TECTB: variants seen among roughly 807,000 people sequenced by gnomAD.
TECTB encodes tectorin beta.
In TECTB, 45 loss-of-function variants were observed where a neutral mutation model predicts 43.3. The observed-to-expected ratio is 1.04, with a 90% confidence interval of 0.82 to 1.33. The LOEUF is 1.33. TECTB is among the 40% of genes most tolerant of loss of function. The pLI, the probability that TECTB is intolerant of heterozygous loss-of-function variation, is 0.00. For synonymous variants in TECTB, 169 were observed against 156.7 expected (o/e 1.08, Z -0.59); for missense variants, 399 against 404.7 (o/e 0.99, Z 0.12).
chr10:112,291,648 T>G (rs1303718783), intron 5 of TECTB, among the ~76,000 whole-genome samples: 1 of 152,234 alleles, frequency 6.6e-6, no homozygotes, highest in African/African-American at 2.4e-5. Context: ...TCTATGAAAC[T>G]CAATCTTTCA....
chr10:112,284,057 C>A (rs1165014020), intron 2 of TECTB, among the ~76,000 whole-genome samples: 1 of 152,106 alleles, frequency 6.6e-6, no homozygotes, highest in Non-Finnish European at 1.5e-5. Context: ...TACTTACACA[C>A]TCTCTCCCCA....
chr10:112,293,861 G>C lies in TECTB; in HGVS notation c.587+20G>C. 6.2e-7 allele frequency: 1 copy of C among 1,611,542 alleles called. No individual in the cohort carries two copies. Among genetic ancestry groups the C allele is most frequent in the Non-Finnish European group, 8.5e-7 (1 of 1,177,834 alleles). On this transcript the variant is annotated intron_variant, in intron 6 of 10. Coordinates refer to ENST00000646139, the MANE Select transcript of TECTB (RefSeq NM_058222.3). ...CATTAGGTAAGTACATTTCCTCCAA[G>C]TTTATATGTTTAAATGCAAAGAAAA...
intron 5 of TECTB, among the ~76,000 whole-genome samples, chr10:112,286,604 A>G (rs564562897): frequency 1.4e-4 from 21 of 152,302 alleles, no homozygotes; most frequent in African/African-American, 4.6e-4. Flanking sequence ...AAGAGCTGAA[A>G]GGTATAAGAT....
At chr10:112,298,347 C>T (rs2133356282) in intron 8 of TECTB, 116 bp downstream of exon 8, 1 of 1,349,028 alleles carries the variant, frequency 7.4e-7, no homozygotes, top group East Asian at 2.5e-5. Context: ...CTGAGGACAT[C>T]TGGAGGAAAT....
rs1436785579 is a variant in TECTB at position 112,300,617 on chromosome 10, C to A, written c.907+1053C>A. ...AGTTGATCATCACTAATGTGAAAAT[C>A]CAAAATCCGAATGCTCCCAAATCTG... On this transcript the variant is annotated intron_variant, in intron 9 of 10. Transcript: ENST00000646139. Among the ~76,000 whole-genome samples, 7 of 152,276 alleles carry A rather than the reference C, an allele frequency of 4.6e-5. No homozygotes were observed. The East Asian group carries it at 1.4e-3, about 29-fold the overall frequency.
At chr10:112,298,855 C>A (rs1445867591) in intron 8 of TECTB, among the ~76,000 whole-genome samples, 1 of 152,232 alleles carries the variant, frequency 6.6e-6, no homozygotes, top group Non-Finnish European at 1.5e-5. Context: ...AAATCTCAAA[C>A]TGTTCTCCTT....
At chr10:112,290,783 C>G (rs139695841) in intron 5 of TECTB, among the ~76,000 whole-genome samples, 2 of 152,266 alleles carry the variant, frequency 1.3e-5, no homozygotes, top group Admixed American at 1.3e-4. Context: ...ACATTATTAT[C>G]CAATTATTGC....
rs1306391970 is a variant in TECTB, at chr10:112,304,823, T to C, written c.*1511T>C. 2 of 152,222 alleles carry C rather than the reference T, an allele frequency of 1.3e-5. No homozygotes were observed. Among genetic ancestry groups the C allele is most frequent in the Admixed American group, 6.5e-5 (1 of 15,280 alleles). The allele number at this position is 152,222 out of a possible 1,614,324, so 9.4% of individuals were successfully genotyped here. A position where few individuals can be genotyped will look rare whatever the true frequency, so the allele number is the denominator to read the frequency against. ...ACGAGTTTAGGATCTCTTCTTTCTG[T>C]AAATTCAGAGTTTTTATAGTCAGGA... is the stretch of plus-strand genomic sequence containing the variant. On this transcript the variant is annotated 3_prime_UTR_variant, in exon 11 of 11. Transcript: ENST00000646139.
intron 9 of TECTB, among the ~76,000 whole-genome samples, chr10:112,300,650 T>C (rs1848603492): frequency 6.6e-6 from 1 of 152,228 alleles, no homozygotes; most frequent in Non-Finnish European, 1.5e-5. Flanking sequence ...CTGAAACTTT[T>C]TGAGCACCCA....
rs1268180808 is a variant in TECTB at position 112,294,906 on chromosome 10, G to C, written c.671+845G>C. 2.0e-5 allele frequency among the ~76,000 whole-genome samples: 3 copies of C among 152,242 alleles called. No homozygotes were observed. In the East Asian group the frequency reaches 5.8e-4, roughly 29 times the overall value. On this transcript the variant is annotated intron_variant, in intron 7 of 10. Transcript: ENST00000646139. Reference sequence around the variant, plus strand: ...GGGAGTAATGGAAAAAGATGGCTTTGTGTTCTTAAATCTGTGGACTACAAA... The same window carrying C: ...GGGAGTAATGGAAAAAGATGGCTTTCTGTTCTTAAATCTGTGGACTACAAA...
intron 7 of TECTB, among the ~76,000 whole-genome samples, chr10:112,296,856 G>C (rs1159922857): frequency 6.6e-6 from 1 of 152,162 alleles, no homozygotes; most frequent in Non-Finnish European, 1.5e-5. Context: ...TACCATACAA[G>C]AAGAAAGATG....
rs1848634737 is a variant in TECTB, at chr10:112,304,265, G to T, written c.*953G>T. 1 of 152,156 alleles carries T rather than the reference G, an allele frequency of 6.6e-6. No homozygotes were observed. Among genetic ancestry groups the T allele is most frequent in the Non-Finnish European group, 1.5e-5 (1 of 68,034 alleles). The allele number at this position is 152,156 out of a possible 1,614,324, so 9.4% of individuals were successfully genotyped here. On this transcript the variant is annotated 3_prime_UTR_variant, in exon 11 of 11. Coordinates refer to ENST00000646139, the MANE Select transcript of TECTB (RefSeq NM_058222.3). ...TAAGAAGTTTTCATTTATAAGAAATGGTCTGATCTCATTTAGCTTTTACTT... is the reference window on the plus strand; with the variant it reads ...TAAGAAGTTTTCATTTATAAGAAATTGTCTGATCTCATTTAGCTTTTACTT...
intron 5 of TECTB, among the ~76,000 whole-genome samples, chr10:112,290,275 TG>T (rs1373110018): frequency 6.6e-6 from 1 of 152,198 alleles, no homozygotes; most frequent in Non-Finnish European, 1.5e-5. Context: ...ATATAGGGTT[TG>T]GTACTATCTG....
At chr10:112,291,033 G>C (rs1848494904) in intron 5 of TECTB, among the ~76,000 whole-genome samples, 1 of 152,110 alleles carries the variant, frequency 6.6e-6, no homozygotes, top group Admixed American at 6.6e-5. Context: ...TACATGTGCA[G>C]GATGTGCAAG....
At position 112,284,566 on chromosome 10, in the gene TECTB, C is replaced by CATCA. The variant is rs756229053; in HGVS notation, c.109_112dup (p.Ile38AsnfsTer43). 20 of 1,611,156 alleles carry CATCA rather than the reference C, an allele frequency of 1.2e-5. No homozygotes were observed. The highest frequency in any genetic ancestry group is 1.6e-5 in the Non-Finnish European group (19 of 1,178,634). ...TTCTTGTGTTTTGCTATCCCAAAAC[C>CATCA]ATCATCACCAAAATCCCCGAGTGTC... is the stretch of plus-strand genomic sequence containing the variant. On this transcript the variant is annotated frameshift_variant, in exon 3 of 11. Transcript: ENST00000646139. LOFTEE classifies it high-confidence loss of function.
intron 9 of TECTB, among the ~76,000 whole-genome samples, chr10:112,300,999 A>G (rs1334716299): frequency 6.6e-6 from 1 of 152,270 alleles, no homozygotes. Context: ...ACAGTCACCA[A>G]GCTATGGCCA....
At chr10:112,296,759 T>C (rs1041746763) in intron 7 of TECTB, among the ~76,000 whole-genome samples, 1 of 152,154 alleles carries the variant, frequency 6.6e-6, no homozygotes, top group African/African-American at 2.4e-5. Flanking sequence ...CCCCGTTGTC[T>C]GTTTCTGAGG....
At chr10:112,302,433 G>A in intron 10 of TECTB, 1 of 424,682 alleles carries the variant, frequency 2.4e-6, no homozygotes, top group Non-Finnish European at 4.1e-6. Context: ...AACATTTACA[G>A]AACAAGATTT....
chr10:112,296,841 G>C (rs1051891032), intron 7 of TECTB, among the ~76,000 whole-genome samples: 1 of 152,172 alleles, frequency 6.6e-6, no homozygotes, highest in Non-Finnish European at 1.5e-5. Context: ...CGTGTGTGCC[G>C]AGTTTACCAT....
Sources: allele counts gnomAD v4.1 joint callset (sites outside exome capture counted in the v4.1 genomes callset), GRCh38; gene constraint gnomAD v4.1.1; transcripts MANE v1.5; gene names NCBI Gene and HGNC (gene_info 2026-07-23, HGNC 2026-07-21).